TMEM45A: variants seen among roughly 807,000 people sequenced by gnomAD.
The protein encoded by TMEM45A is transmembrane protein 45A.
A neutral mutation model predicts 32.0 loss-of-function variants in TMEM45A; 25 were observed. The ratio of observed to expected loss-of-function variants is 0.78; its 90% CI spans 0.57 to 1.09. The LOEUF (loss-of-function observed/expected upper bound fraction) is 1.09, where lower values mean the gene tolerates loss of function less well. Ranked by LOEUF, TMEM45A falls within the 50% of genes least tolerant of loss-of-function variation. The pLI, the probability that TMEM45A is intolerant of heterozygous loss-of-function variation, is 0.00. For synonymous variants in TMEM45A, 122 were observed against 114.8 expected, an observed-to-expected ratio of 1.06 and a Z score of -0.40; for missense variants, 302 against 325.0, an observed-to-expected ratio of 0.93 and a Z score of 0.54.
chr3:100,532,942 T>G (rs1201126818), intron 1 of TMEM45A, among the ~76,000 whole-genome samples: 1 of 152,218 alleles, frequency 6.6e-6, no homozygotes, highest in Non-Finnish European at 1.5e-5. Context: ...GGACATAGAC[T>G]TGGGGCTCAG....
Position 100,558,553 on chromosome 3 carries a change from A to T in TMEM45A, c.552A>T (p.Ser184=), listed in dbSNP as rs1482363585. The change falls in exon 4 of 6, where the codon TCA becomes TCT. Residue 184 remains serine (S), a synonymous_variant. Transcript: ENST00000323523. The stretch of plus-strand genomic sequence containing the variant: ...ATGTACTTCTGGAGCTATTGCGGTC[A>T]AGTCTCATTCTGCTTCAGGGGAGCT... ...RNNVLLELLR[S]SLILLQGSWF... The T allele has an allele frequency of 6.2e-7, 1 of 1,614,010 alleles. No homozygotes were observed. Among genetic ancestry groups the T allele is most frequent in the Non-Finnish European group, 8.5e-7 (1 of 1,179,998 alleles).
intron 1 of TMEM45A, among the ~76,000 whole-genome samples, chr3:100,553,100 A>C (rs1194161487): frequency 6.6e-6 from 1 of 152,224 alleles, no homozygotes; most frequent in Non-Finnish European, 1.5e-5. Flanking sequence ...CTTATTTAAC[A>C]GTACTGTGGG....
At chr3:100,549,591 A>G (rs1706051576) in intron 1 of TMEM45A, among the ~76,000 whole-genome samples, 1 of 152,224 alleles carries the variant, frequency 6.6e-6, no homozygotes, top group African/African-American at 2.4e-5. Context: ...GTTTAAATGC[A>G]TTGGAACCTA....
intron 1 of TMEM45A, among the ~76,000 whole-genome samples, chr3:100,511,142 G>T (rs1428152827): frequency 6.6e-6 from 1 of 151,754 alleles, no homozygotes; most frequent in Non-Finnish European, 1.5e-5. Context: ...GATACTCCTC[G>T]AGAAGAGCAA....
chr3:100,558,062 A>G (rs1358165876), intron 3 of TMEM45A, among the ~76,000 whole-genome samples: 2 of 152,220 alleles, frequency 1.3e-5, no homozygotes, highest in African/African-American at 2.4e-5. Flanking sequence ...GGAGATTCCA[A>G]CTTCGTCTTA....
chr3:100,570,755 C>T (rs1360995050), intron 5 of TMEM45A: 1 of 152,218 alleles, frequency 6.6e-6, no homozygotes, highest in Non-Finnish European at 1.5e-5. Context: ...GCTTCATACC[C>T]CTAATGGGCC....
At chr3:100,560,114 A>T (rs958636132) in intron 4 of TMEM45A, among the ~76,000 whole-genome samples, 4 of 152,154 alleles carry the variant, frequency 2.6e-5, no homozygotes, top group African/African-American at 9.7e-5. Flanking sequence ...TATATTCTAT[A>T]TTCCTAATGG....
At position 100,558,566 on chromosome 3, in the gene TMEM45A, C is replaced by T; in HGVS notation, c.565C>T (p.Leu189Phe). Residue 189 changes from leucine (L) to phenylalanine (F), a missense_variant, in exon 4 of 6, where the codon CTT (leucine) becomes TTT (phenylalanine). Leu to Phe is a conservative substitution (Grantham distance 22). Coordinates refer to ENST00000323523, the MANE Select transcript of TMEM45A (RefSeq NM_018004.3). ...LELLRSSLILLQGSWFFQIGF... is the reference protein window; with the variant it reads ...LELLRSSLILFQGSWFFQIGF... ...GCTATTGCGGTCAAGTCTCATTCTG[C>T]TTCAGGGGAGCTGGTTCTTTCAGGT... 6.2e-7 allele frequency: 1 copy of T among 1,614,008 alleles called. No individual in the cohort carries two copies. Among genetic ancestry groups the T allele is most frequent in the East Asian group, 2.2e-5 (1 of 44,880 alleles).
chr3:100,576,952 C>G lies in TMEM45A; in HGVS notation c.762C>G (p.Leu254=), dbSNP rs1305717364. The change falls in exon 6 of 6, where the codon CTC becomes CTG. Residue 254 remains leucine (L), a synonymous_variant. Transcript: ENST00000323523. ...TGGTTAAATCTAGACTTAAGAGGCTCTGCTCCTCAGAAGTTGGACTTCTGA... is the reference window on the plus strand; with the variant it reads ...TGGTTAAATCTAGACTTAAGAGGCTGTGCTCCTCAGAAGTTGGACTTCTGA... ...TWLVKSRLKR[L]CSSEVGLLKN... 1 of 1,613,522 alleles carries G rather than the reference C, an allele frequency of 6.2e-7. No individual in the cohort carries two copies. Among genetic ancestry groups the G allele is most frequent in the African/African-American group, 1.3e-5 (1 of 74,914 alleles).
At chr3:100,558,639 C>A (rs771312577) in intron 4 of TMEM45A, 50 bp downstream of exon 4, 3 of 1,577,010 alleles carry the variant, frequency 1.9e-6, no homozygotes, top group South Asian at 1.1e-5. Context: ...CCTGTAACTT[C>A]TCTGTTTATT....
intron 1 of TMEM45A, among the ~76,000 whole-genome samples, chr3:100,542,401 G>T (rs1705901900): frequency 1.3e-5 from 2 of 152,124 alleles, no homozygotes; most frequent in Non-Finnish European, 2.9e-5. Context: ...CTTTGGGAAA[G>T]GATTTATGAC....
At chr3:100,555,928 A>C (rs902627095) in intron 2 of TMEM45A, among the ~76,000 whole-genome samples, 6 of 152,176 alleles carry the variant, frequency 3.9e-5, no homozygotes, top group Non-Finnish European at 8.8e-5. Flanking sequence ...ATCTGTAGGA[A>C]AGTTTAACTG....
At chr3:100,519,357 C>A (rs1705380664) in intron 1 of TMEM45A, 1 of 571,340 alleles carries the variant, frequency 1.8e-6, no homozygotes, top group Non-Finnish European at 3.1e-6. Flanking sequence ...TTGCTTTTGA[C>A]ATGCATACAG....
At chr3:100,518,817 G>A (rs1705359394) in intron 1 of TMEM45A, among the ~76,000 whole-genome samples, 1 of 152,194 alleles carries the variant, frequency 6.6e-6, no homozygotes, top group African/African-American at 2.4e-5. Context: ...AGTGATGGGT[G>A]GCCCTGTTCC....
chr3:100,559,505 A>G (rs1706286508), intron 4 of TMEM45A, among the ~76,000 whole-genome samples: 1 of 152,216 alleles, frequency 6.6e-6, no homozygotes, highest in Non-Finnish European at 1.5e-5. Flanking sequence ...AGGCTAGTAA[A>G]GAGGGGCTAG....
intron 5 of TMEM45A, chr3:100,573,614 C>T (rs1186468155): frequency 6.6e-6 from 1 of 152,054 alleles, no homozygotes; most frequent in Non-Finnish European, 1.5e-5. Flanking sequence ...GCCTGATTGC[C>T]CTGGCCAGAA....
chr3:100,571,597 A>T (rs1380361231), intron 5 of TMEM45A: 6 of 151,908 alleles, frequency 3.9e-5, no homozygotes, highest in Non-Finnish European at 8.8e-5. Context: ...TTCTTTTTTT[A>T]AAAATTTTAT....
In TMEM45A at chr3:100,547,208, G is replaced by T. The variant is rs143322077; in HGVS notation, c.-3-8001G>T. On this transcript the variant is annotated intron_variant, in intron 1 of 5. Transcript: ENST00000323523. ...ACGATCTTGGCTCACTGCAACCTCC[G>T]CCTTCCAGGTTCAAGGGATTTTCCT... Among the ~76,000 whole-genome samples the T allele has an allele frequency of 5.9e-5, 9 of 152,106 alleles. No homozygotes were observed. In the South Asian group the frequency reaches 1.9e-3, roughly 32 times the overall value.
At chr3:100,547,330 C>A (rs1272394778) in intron 1 of TMEM45A, among the ~76,000 whole-genome samples, 1 of 152,086 alleles carries the variant, frequency 6.6e-6, no homozygotes, top group Admixed American at 6.6e-5. Context: ...ACATGTTGGT[C>A]AGGCTGGTCT....
Sources: gnomAD v4.1 joint callset for allele counts (sites outside exome capture counted in the v4.1 genomes callset) on GRCh38, gnomAD v4.1.1 for gene constraint, MANE v1.5 for transcripts, NCBI Gene and HGNC (gene_info 2026-07-23, HGNC 2026-07-21) for gene names.